CADM2: variants seen among roughly 807,000 people sequenced by gnomAD.
CADM2 encodes cell adhesion molecule 2, also known as immunoglobulin superfamily member 4D.
A neutral mutation model predicts 49.8 loss-of-function variants in CADM2; 12 were observed. The ratio of observed to expected loss-of-function variants is 0.24; its 90% CI spans 0.15 to 0.39. The LOEUF is 0.39. CADM2 is among the 10% of genes least tolerant of loss of function. The pLI is 1.00. For synonymous variants in CADM2, 214 were observed against 175.4 expected (o/e 1.22, Z -1.74); for missense variants, 378 against 492.3 (o/e 0.77, Z 2.20).
chr3:85,396,441 G>T (rs1303316954), intron 1 of CADM2, among the ~76,000 whole-genome samples: 3 of 151,660 alleles, frequency 2.0e-5, no homozygotes, highest in Admixed American at 6.6e-5. Context: ...TATCTTATTG[G>T]TAAATATAAT....
chr3:85,004,748 T>C (rs977887961), intron 1 of CADM2, among the ~76,000 whole-genome samples: 1 of 152,192 alleles, frequency 6.6e-6, no homozygotes, highest in African/African-American at 2.4e-5. Context: ...ATCTATCTCA[T>C]GAATATCATT....
intron 1 of CADM2, among the ~76,000 whole-genome samples, chr3:85,601,488 T>C (rs2063402783): frequency 6.6e-6 from 1 of 151,328 alleles, no homozygotes; most frequent in African/African-American, 2.4e-5. Flanking sequence ...ATGAAAAATC[T>C]TTGTTTCATA....
intron 1 of CADM2, among the ~76,000 whole-genome samples, chr3:85,385,086 C>G (rs544460832): frequency 1.6e-4 from 25 of 152,140 alleles, no homozygotes; most frequent in African/African-American, 6.0e-4. Context: ...CAGGTGCGCT[C>G]CAGCACACCT....
chr3:85,878,167 T>C (rs1006018439), intron 3 of CADM2, among the ~76,000 whole-genome samples: 2 of 152,122 alleles, frequency 1.3e-5, no homozygotes, highest in Admixed American at 1.3e-4. Context: ...GTAGTAATTT[T>C]GGCAGTTTCT....
At chr3:85,279,846 T>A (rs988520145) in intron 1 of CADM2, among the ~76,000 whole-genome samples, 2 of 151,662 alleles carry the variant, frequency 1.3e-5, no homozygotes, top group African/African-American at 4.8e-5. Flanking sequence ...GGACAGATAT[T>A]TGTTCAAGTA....
intron 1 of CADM2, among the ~76,000 whole-genome samples, chr3:85,301,022 C>T (rs80225578): frequency 0.028 from 4,224 of 152,124 alleles, 177 homozygotes; most frequent in African/African-American, 0.095. Flanking sequence ...CAGGAAGAAT[C>T]ACAGGGTGAG....
intron 1 of CADM2, among the ~76,000 whole-genome samples, chr3:85,150,898 G>T (rs1040151167): frequency 1.0e-4 from 15 of 150,220 alleles, no homozygotes; most frequent in African/African-American, 1.5e-4. Flanking sequence ...GACAATGCGA[G>T]ACGCTGTTTC....
intron 1 of CADM2, among the ~76,000 whole-genome samples, chr3:85,456,609 C>A (rs73140731): frequency 0.019 from 2,817 of 152,102 alleles, 57 homozygotes; most frequent in South Asian, 0.052. Flanking sequence ...TTCTCTTGAA[C>A]CTTTTCTGAT....
intron 1 of CADM2, among the ~76,000 whole-genome samples, chr3:85,373,139 C>A (rs140853411): frequency 6.6e-6 from 1 of 152,112 alleles, no homozygotes; most frequent in Non-Finnish European, 1.5e-5. Flanking sequence ...CCAAAGTATC[C>A]TCTGTTACAA....
At chr3:85,069,252 A>G (rs1040259084) in intron 1 of CADM2, among the ~76,000 whole-genome samples, 3 of 152,070 alleles carry the variant, frequency 2.0e-5, no homozygotes, top group Non-Finnish European at 4.4e-5. Flanking sequence ...TCCCTTAATT[A>G]TAATTATAGA....
intron 2 of CADM2, among the ~76,000 whole-genome samples, chr3:85,759,219 C>T (rs2069260400): frequency 6.6e-6 from 1 of 152,072 alleles, no homozygotes; most frequent in South Asian, 2.1e-4. Context: ...TTGAGATCCT[C>T]TGCTATGGTT....
rs554810326 is a variant in CADM2 at position 85,518,702 on chromosome 3, GTC to G, written c.62-207816_62-207815del. 5.2e-4 allele frequency among the ~76,000 whole-genome samples: 79 copies of G among 152,122 alleles called. No homozygotes were observed. The South Asian group carries it at 6.8e-3, about 13-fold the overall frequency. On this transcript the variant is annotated intron_variant, in intron 1 of 9. Coordinates refer to ENST00000383699, the MANE Select transcript of CADM2 (RefSeq NM_001167675.2). ...CCTGGCTTATGGCTGCATCACTTCA[GTC>G]TCTGCCTCCATGGTCACTTTGCCTC...
At chr3:85,882,590 C>A (rs1468927824) in intron 3 of CADM2, among the ~76,000 whole-genome samples, 1 of 152,088 alleles carries the variant, frequency 6.6e-6, no homozygotes, top group Non-Finnish European at 1.5e-5. Flanking sequence ...GTAGAGCACA[C>A]AATGATAAAC....
intron 8 of CADM2, among the ~76,000 whole-genome samples, chr3:86,025,351 G>A (rs559697652): frequency 5.9e-5 from 9 of 152,144 alleles, no homozygotes; most frequent in Admixed American, 2.0e-4. Flanking sequence ...GCAACTGTGC[G>A]CAGCCCATTA....
At chr3:85,190,468 A>G (rs1008136079) in intron 1 of CADM2, among the ~76,000 whole-genome samples, 3 of 152,144 alleles carry the variant, frequency 2.0e-5, no homozygotes, top group South Asian at 2.1e-4. Context: ...ACTCTTGGCC[A>G]TATGAGAAGT....
At chr3:85,630,435 G>A (rs1413417908) in intron 1 of CADM2, among the ~76,000 whole-genome samples, 1 of 151,922 alleles carries the variant, frequency 6.6e-6, no homozygotes, top group Admixed American at 6.6e-5. Flanking sequence ...TGGCAATACT[G>A]CCATCTGTAT....
chr3:85,710,717 T>C (rs986827608), intron 1 of CADM2, among the ~76,000 whole-genome samples: 6 of 152,188 alleles, frequency 3.9e-5, no homozygotes, highest in Non-Finnish European at 5.9e-5. Flanking sequence ...CTTTAGCGCA[T>C]GAGTCAGAAT....
At chr3:85,755,683 G>A (rs2069083109) in intron 2 of CADM2, among the ~76,000 whole-genome samples, 1 of 152,096 alleles carries the variant, frequency 6.6e-6, no homozygotes, top group South Asian at 2.1e-4. Flanking sequence ...CAGGGCTGGA[G>A]CAGGAGGAAG....
chr3:86,001,495 T>A (rs1730189897), intron 8 of CADM2, among the ~76,000 whole-genome samples: 2 of 152,086 alleles, frequency 1.3e-5, no homozygotes, highest in Non-Finnish European at 2.9e-5. Context: ...ATGAGTGCTT[T>A]GATTGAGAAG....
Sources: gnomAD v4.1 joint callset for allele counts (sites outside exome capture counted in the v4.1 genomes callset) on GRCh38, gnomAD v4.1.1 for gene constraint, MANE v1.5 for transcripts, NCBI Gene and HGNC (gene_info 2026-07-23, HGNC 2026-07-21) for gene names.